Variants in KRT20 observed in about 807,000 individuals in gnomAD.
The protein encoded by KRT20 is keratin, type I cytoskeletal 20.
Under a neutral mutation model 43.0 loss-of-function variants are expected in KRT20, and 41 were observed. The observed-to-expected ratio is 0.95, with a 90% confidence interval of 0.74 to 1.24. The LOEUF (loss-of-function observed/expected upper bound fraction) is 1.24. Among genes scored for constraint, KRT20 ranks in the 50% most tolerant of loss-of-function variants. KRT20 has a pLI of 0.00. For synonymous variants in KRT20, 207 were observed against 200.6 expected (o/e 1.03, Z -0.27); for missense variants, 533 against 521.2 (o/e 1.02, Z -0.22).
chr17:40,880,644 G>A lies in KRT20; in HGVS notation c.600C>T (p.Asp200=), dbSNP rs527555043. Residue 200 remains aspartate (D), a synonymous_variant, in exon 3 of 8, where the codon GAC becomes GAT. Transcript: ENST00000167588. ...LEIQIEELNK[D]LALLKKEHQE... is the part of the protein sequence containing the mutation. ...GATGCTCCTTTTTGAGGAGAGCTAG[G>A]TCTTTATTCAGTTCTTCAATTTGAA... 5.2e-5 allele frequency: 84 copies of A among 1,613,084 alleles called. No homozygotes were observed. The South Asian group carries it at 6.9e-4, about 13-fold the overall frequency.
intron 1 of KRT20, 25 bp from the exon 2 acceptor site, chr17:40,882,679 A>C (rs1907648944): frequency 1.1e-6 from 1 of 934,362 alleles, no homozygotes; most frequent in Non-Finnish European, 1.5e-6. Flanking sequence ...AGAAAGAATG[A>C]CATTTTCTTT....
In KRT20 at chr17:40,876,314, G is replaced by A. The variant is rs1338339955; in HGVS notation, c.*47C>T. Reference sequence around the variant, plus strand: ...TGCAGGGAGCAAAGATAAGATTATAGCCAAATTTCTTTCAAAACCTCAGCA... The same window carrying A: ...TGCAGGGAGCAAAGATAAGATTATAACCAAATTTCTTTCAAAACCTCAGCA... On this transcript the variant is annotated 3_prime_UTR_variant, in exon 8 of 8. Coordinates refer to ENST00000167588, the MANE Select transcript of KRT20 (RefSeq NM_019010.3). 2 of 1,247,304 alleles carry A rather than the reference G, an allele frequency of 1.6e-6. No individual in the cohort carries two copies. Among genetic ancestry groups the A allele is most frequent in the Non-Finnish European group, 2.4e-6 (2 of 847,274 alleles). 77.3% of individuals were successfully genotyped at this position (1,247,304 alleles called of 1,614,324 possible).
At position 40,878,328 on chromosome 17, in the gene KRT20, G is replaced by T. The variant is rs766498793; in HGVS notation, c.956C>A (p.Ala319Asp). 2.3e-5 allele frequency: 37 copies of T among 1,614,022 alleles called. No individual in the cohort carries two copies. The African/African-American group carries it at 4.0e-4, about 17-fold the overall frequency. The change falls in exon 6 of 8, where the codon GCC becomes GAC. Residue 319 changes from alanine to aspartate, a missense_variant. Ala to Asp is a moderately radical substitution (Grantham distance 126). Coordinates refer to ENST00000167588, the MANE Select transcript of KRT20 (RefSeq NM_019010.3). ...GTTGGCTAACTGGCTGCTGTAACGG[G>T]CCTTGGTCTCCTCTAGAGTGTGCTC... ...SLEHTLEETKARYSSQLANLQ... is the reference protein window; with the variant it reads ...SLEHTLEETKDRYSSQLANLQ...
At chr17:40,882,162 C>T (rs771426899) in intron 2 of KRT20, among the ~76,000 whole-genome samples, 3 of 152,120 alleles carry the variant, frequency 2.0e-5, no homozygotes, top group Non-Finnish European at 2.9e-5. Context: ...CTTGAATGAA[C>T]GTGGAGAATT....
chr17:40,878,402 A>G (rs1907445110), intron 5 of KRT20, 37 bp from the exon 6 acceptor site: 13 of 1,469,148 alleles, frequency 8.8e-6, no homozygotes, highest in Non-Finnish European at 1.2e-5. Context: ...TTCTTATGTG[A>G]GGACTTGATT....
At chr17:40,877,262 T>A (rs1451415857) in intron 7 of KRT20, 118 bp downstream of exon 7, 2 of 712,908 alleles carry the variant, frequency 2.8e-6, no homozygotes, top group African/African-American at 1.9e-5. Flanking sequence ...GTCTCAGGTA[T>A]TCTGTCACAG....
Position 40,879,939 on chromosome 17 carries a change from C to T in KRT20, c.793-1G>A, listed in dbSNP as rs1390175454. Reference sequence around the variant, plus strand: ...TGACCTGTTGCTGCAGAACTGCAGTCTACAGTGCCAAGAGTGAAAAAAAAA... The same window carrying T: ...TGACCTGTTGCTGCAGAACTGCAGTTTACAGTGCCAAGAGTGAAAAAAAAA... On this transcript the variant is annotated splice_acceptor_variant, in intron 4 of 7. Transcript: ENST00000167588. LOFTEE classifies it high-confidence loss of function. 3.7e-6 allele frequency: 6 copies of T among 1,613,048 alleles called. No individual in the cohort carries two copies. In the East Asian group the frequency reaches 6.7e-5, roughly 18 times the overall value.
intron 3 of KRT20, 137 bp from the exon 4 acceptor site, chr17:40,880,398 G>A (rs1907542779): frequency 2.2e-6 from 2 of 923,784 alleles, no homozygotes; most frequent in Middle Eastern, 2.7e-4. Context: ...AACTTGTGTT[G>A]GGCTTATTGT....
chr17:40,882,689 T>A lies in KRT20; in HGVS notation c.391-35A>T, dbSNP rs187784490. 823 of 530,958 alleles carry A rather than the reference T, an allele frequency of 1.6e-3. 7 individuals carry two copies. Among genetic ancestry groups the A allele is most frequent in the African/African-American group, 0.015 (650 of 44,032 alleles). The allele number at this position is 530,958 out of a possible 1,614,324, so 32.9% of individuals were successfully genotyped here. A position where few individuals can be genotyped will look rare whatever the true frequency, so the allele number is the denominator to read the frequency against. Reference sequence around the variant, plus strand: ...ACATGAGAAAGAATGACATTTTCTTTTTTATTTATTTATTTATTTATTTAT... The same window carrying A: ...ACATGAGAAAGAATGACATTTTCTTATTTATTTATTTATTTATTTATTTAT... On this transcript the variant is annotated intron_variant, in intron 1 of 7. Transcript: ENST00000167588.
chr17:40,885,181 T>G lies in KRT20; in HGVS notation c.5A>C (p.Asp2Ala). 6.3e-7 allele frequency: 1 copy of G among 1,596,596 alleles called. No individual in the cohort carries two copies. Among genetic ancestry groups the G allele is most frequent in the South Asian group, 1.1e-5 (1 of 90,372 alleles). ...TCTGTGGAAGCTTCTGCGACTGAAA[T>G]CCATTGGAGATTCCAGGAGGGAGCA... MDFSRRSFHRSL... is the reference protein window; with the variant it reads MAFSRRSFHRSL... Residue 2 changes from aspartate to alanine, a missense_variant, in exon 1 of 8, where the codon GAT becomes GCT. Coordinates refer to ENST00000167588, the MANE Select transcript of KRT20 (RefSeq NM_019010.3).
chr17:40,879,271 C>T (rs1474825050), intron 5 of KRT20, among the ~76,000 whole-genome samples: 3 of 152,190 alleles, frequency 2.0e-5, no homozygotes, highest in Non-Finnish European at 2.9e-5. Context: ...CATAATTTGT[C>T]ATGGGCTTGC....
intron 3 of KRT20, 150 bp from the exon 4 acceptor site, chr17:40,880,411 TC>T: frequency 3.5e-6 from 3 of 861,610 alleles, no homozygotes; most frequent in Non-Finnish European, 5.2e-6. Flanking sequence ...CTTATTGTGG[TC>T]CAGGTGCTGC....
chr17:40,879,107 T>TGGAC (rs376783735), intron 5 of KRT20, among the ~76,000 whole-genome samples: 4 of 152,214 alleles, frequency 2.6e-5, no homozygotes, highest in African/African-American at 9.6e-5. Flanking sequence ...AGCTATCAAG[T>TGGAC]GGACCAACCA....
rs750384983 is a variant in KRT20, at chr17:40,880,658, C to T, written c.586G>A (p.Glu196Lys). 6.2e-7 allele frequency: 1 copy of T among 1,612,850 alleles called. No individual in the cohort carries two copies. Among genetic ancestry groups the T allele is most frequent in the African/African-American group, 1.3e-5 (1 of 74,854 alleles). Residue 196 changes from glutamate (E) to lysine (K), a missense_variant, in exon 3 of 8, where the codon GAA becomes AAA. Coordinates refer to ENST00000167588, the MANE Select transcript of KRT20 (RefSeq NM_019010.3). ...AGGAGAGCTAGGTCTTTATTCAGTT[C>T]TTCAATTTGAATCTCCAAATCTGTT... is the stretch of plus-strand genomic sequence containing the variant. ...HKTDLEIQIE[E>K]LNKDLALLKK...
intron 1 of KRT20, among the ~76,000 whole-genome samples, chr17:40,882,877 T>G (rs1907662890): frequency 6.6e-6 from 1 of 151,836 alleles, no homozygotes; most frequent in South Asian, 2.1e-4. Context: ...GCCCGGCTAA[T>G]TTTTGCATTT....
chr17:40,880,555 A>T, intron 3 of KRT20, 59 bp downstream of exon 3: 2 of 1,441,408 alleles, frequency 1.4e-6, no homozygotes, highest in Non-Finnish European at 1.9e-6. Context: ...TCCTCCTATT[A>T]TTAGTATTAT....
intron 2 of KRT20, among the ~76,000 whole-genome samples, chr17:40,881,592 C>T (rs567191781): frequency 7.2e-5 from 11 of 152,272 alleles, no homozygotes; most frequent in African/African-American, 2.6e-4. Flanking sequence ...AAAAATGACA[C>T]TGCAATGTGA....
Position 40,876,042 on chromosome 17 carries a change from G to A in KRT20, c.*319C>T, listed in dbSNP as rs1907333730. The A allele has an allele frequency of 4.6e-6, 1 of 216,240 alleles. No homozygotes were observed. Among genetic ancestry groups the A allele is most frequent in the Admixed American group, 5.6e-5 (1 of 17,742 alleles). The allele number at this position is 216,240 out of a possible 1,614,324, so 13.4% of individuals were successfully genotyped here. On this transcript the variant is annotated 3_prime_UTR_variant, in exon 8 of 8. Coordinates refer to ENST00000167588, the MANE Select transcript of KRT20 (RefSeq NM_019010.3). ...AATTGAAATGTATTGCAATTTTCAG[G>A]AACATTACCTACAAATTGATATTAG...
chr17:40,881,261 G>GTGTC lies in KRT20; in HGVS notation c.474-492_474-491insGACA, dbSNP rs1491569813. Among the ~76,000 whole-genome samples, 529 of 143,964 alleles carry GTGTC rather than the reference G, an allele frequency of 3.7e-3. 3 individuals are homozygous for GTGTC. The highest frequency in any genetic ancestry group is 0.013 in the African/African-American group (496 of 38,726). 94.4% of individuals were successfully genotyped at this position (143,964 alleles called of 152,430 possible). ...TGTGTGTGTGTGTGTGTGTGTGTGT[G>GTGTC]TATTTGAGACAGGGTCCCACTCTGT... On this transcript the variant is annotated intron_variant, in intron 2 of 7. Coordinates refer to ENST00000167588, the MANE Select transcript of KRT20 (RefSeq NM_019010.3).
Sources: gnomAD v4.1 joint callset for allele counts (sites outside exome capture counted in the v4.1 genomes callset) on GRCh38, gnomAD v4.1.1 for gene constraint, MANE v1.5 for transcripts, NCBI Gene and HGNC (gene_info 2026-07-23, HGNC 2026-07-21) for gene names.